ST8SIA5: variants seen among roughly 807,000 people sequenced by gnomAD.
The protein encoded by ST8SIA5 is alpha-2,8-sialyltransferase 8E.
A neutral mutation model predicts 40.2 loss-of-function variants in ST8SIA5; 24 were observed. The ratio of observed to expected loss-of-function variants is 0.60; its 90% CI spans 0.43 to 0.84. The LOEUF (loss-of-function observed/expected upper bound fraction) is 0.84. Ranked by LOEUF, ST8SIA5 falls within the 40% of genes least tolerant of loss-of-function variation. ST8SIA5 has a pLI of 0.00. For synonymous variants in ST8SIA5, 198 were observed against 201.8 expected, an observed-to-expected ratio of 0.98 and a Z score of 0.16; for missense variants, 465 against 498.5, an observed-to-expected ratio of 0.93 and a Z score of 0.64.
chr18:46,699,659 A>C (rs328112), intron 2 of ST8SIA5, among the ~76,000 whole-genome samples: 1 of 152,178 alleles, frequency 6.6e-6, no homozygotes, highest in Non-Finnish European at 1.5e-5. Flanking sequence ...GATTACAGGC[A>C]TGAGCCACCG....
At chr18:46,694,881 G>A (rs9966445) in intron 2 of ST8SIA5, among the ~76,000 whole-genome samples, 3,099 of 151,640 alleles carry the variant, frequency 0.02, 84 homozygotes, top group African/African-American at 0.062. Context: ...TTTTTAGGCC[G>A]GGCGCAGTGG....
chr18:46,747,340 C>T (rs2040150240), intron 1 of ST8SIA5, among the ~76,000 whole-genome samples: 1 of 152,158 alleles, frequency 6.6e-6, no homozygotes, highest in Non-Finnish European at 1.5e-5. Flanking sequence ...GGGTTAATAT[C>T]CAGAATCTAC....
chr18:46,719,779 T>C (rs1457635666), intron 1 of ST8SIA5, among the ~76,000 whole-genome samples: 1 of 135,832 alleles, frequency 7.4e-6, no homozygotes, highest in African/African-American at 2.7e-5. Context: ...CTTCTTTCCT[T>C]TTCTTTTTCT....
chr18:46,708,674 AC>A (rs1382364148), intron 1 of ST8SIA5, among the ~76,000 whole-genome samples: 2 of 152,116 alleles, frequency 1.3e-5, no homozygotes, highest in African/African-American at 4.8e-5. Flanking sequence ...ACTCAGATCA[AC>A]CAATCCTAAA....
rs886989611 is a variant in ST8SIA5 at position 46,686,304 on chromosome 18, A to C, written c.457-18T>G. 7.4e-6 allele frequency: 12 copies of C among 1,610,830 alleles called. No individual in the cohort carries two copies. The highest frequency in any genetic ancestry group is 1.0e-5 in the Non-Finnish European group (12 of 1,177,258). ...GGCATGTCCTGGGGGAGGCACAGGCACAGCTGTCAGAGCCAAGCCACCCCC... is the reference window on the plus strand; with the variant it reads ...GGCATGTCCTGGGGGAGGCACAGGCCCAGCTGTCAGAGCCAAGCCACCCCC... On this transcript the variant is annotated intron_variant, in intron 4 of 6. Transcript: ENST00000315087.
intron 1 of ST8SIA5, 107 bp from the exon 2 acceptor site, chr18:46,704,771 A>C (rs1459197907): frequency 7.7e-6 from 7 of 912,478 alleles, no homozygotes; most frequent in African/African-American, 1.6e-5. Context: ...AAATAAATAA[A>C]GCCAACCAGC....
At chr18:46,734,154 C>T (rs922020115) in intron 1 of ST8SIA5, among the ~76,000 whole-genome samples, 15 of 151,998 alleles carry the variant, frequency 9.9e-5, no homozygotes, top group African/African-American at 3.6e-4. Context: ...GATGAACGGG[C>T]GCAATGACCA....
intron 2 of ST8SIA5, among the ~76,000 whole-genome samples, chr18:46,699,415 C>G (rs987161607): frequency 1.3e-5 from 2 of 151,504 alleles, no homozygotes; most frequent in Admixed American, 6.6e-5. Flanking sequence ...AGTCTTACTC[C>G]GTCGCCCAGG....
intron 1 of ST8SIA5, among the ~76,000 whole-genome samples, chr18:46,737,470 G>A (rs182066405): frequency 2.6e-5 from 4 of 152,264 alleles, no homozygotes; most frequent in Admixed American, 1.3e-4. Context: ...GGCGTTTAAC[G>A]AATGTTTCTT....
chr18:46,670,205 C>G lies in ST8SIA5; in HGVS notation c.*9837G>C, dbSNP rs2469903. On this transcript the variant is annotated 3_prime_UTR_variant, in exon 7 of 7. Coordinates refer to ENST00000315087, the MANE Select transcript of ST8SIA5 (RefSeq NM_013305.6). ...CAAGACTTTTGTGAAAGTATTTTAA[C>G]TGTTTGGGGATGGAAATAATTCTAA... is the stretch of plus-strand genomic sequence containing the variant. 101,390 of 152,054 alleles carry G rather than the reference C, an allele frequency of 0.67. 33,957 individuals are homozygous for G. The highest frequency in any genetic ancestry group is 0.81 in the East Asian group (4,215 of 5,172). 9.4% of individuals were successfully genotyped at this position (152,054 alleles called of 1,614,324 possible).
chr18:46,692,049 G>C (rs2039510824), intron 3 of ST8SIA5, 120 bp downstream of exon 3: 2 of 1,009,180 alleles, frequency 2.0e-6, no homozygotes, highest in Non-Finnish European at 3.1e-6. Flanking sequence ...AGCCCAGTCA[G>C]GGTCTGCTCT....
At chr18:46,710,387 C>CTTTA in intron 1 of ST8SIA5, among the ~76,000 whole-genome samples, 1 of 133,052 alleles carries the variant, frequency 7.5e-6, no homozygotes, top group African/African-American at 3.0e-5. Flanking sequence ...TTCTTTCTTT[C>CTTTA]TTTCTTTCTT....
intron 1 of ST8SIA5, among the ~76,000 whole-genome samples, chr18:46,736,352 T>A (rs1166325562): frequency 6.6e-6 from 1 of 152,064 alleles, no homozygotes; most frequent in African/African-American, 2.4e-5. Flanking sequence ...TTAACCAACC[T>A]GAACTAAGAG....
intron 1 of ST8SIA5, among the ~76,000 whole-genome samples, chr18:46,736,937 G>T (rs1334981499): frequency 6.6e-6 from 1 of 151,974 alleles, no homozygotes; most frequent in Non-Finnish European, 1.5e-5. Flanking sequence ...GGACCTGTGG[G>T]CCCCCTGGAA....
chr18:46,747,617 TTGG>T (rs1262698170), intron 1 of ST8SIA5, among the ~76,000 whole-genome samples: 2 of 152,210 alleles, frequency 1.3e-5, no homozygotes, highest in Non-Finnish European at 2.9e-5. Flanking sequence ...TTTTACACTG[TTGG>T]TGGGAGTGTA....
rs1204541187 is a variant in ST8SIA5 at position 46,669,521 on chromosome 18, A to G, written c.*10521T>C. 1 of 152,044 alleles carries G rather than the reference A, an allele frequency of 6.6e-6. No individual in the cohort carries two copies. The highest frequency in any genetic ancestry group is 1.5e-5 in the Non-Finnish European group (1 of 68,044). The allele number at this position is 152,044 out of a possible 1,614,324, so 9.4% of individuals were successfully genotyped here. ...GGTCATCTTTTTAAATTCACCAAAA[A>G]ACACCCAGGCCTGAGTCACTGCAGA... On this transcript the variant is annotated 3_prime_UTR_variant, in exon 7 of 7. Coordinates refer to ENST00000315087, the MANE Select transcript of ST8SIA5 (RefSeq NM_013305.6).
intron 1 of ST8SIA5, among the ~76,000 whole-genome samples, chr18:46,707,820 G>T (rs554715078): frequency 6.6e-6 from 1 of 152,284 alleles, no homozygotes; most frequent in East Asian, 1.9e-4. Context: ...TACTATGTAA[G>T]GATACAGCAA....
At chr18:46,724,008 G>A (rs2039889772) in intron 1 of ST8SIA5, among the ~76,000 whole-genome samples, 2 of 152,128 alleles carry the variant, frequency 1.3e-5, no homozygotes, top group Admixed American at 1.3e-4. Context: ...GAATGGGGCA[G>A]CAGATGGTCA....
intron 1 of ST8SIA5, among the ~76,000 whole-genome samples, chr18:46,743,537 C>T (rs369267109): frequency 1.3e-5 from 2 of 152,110 alleles, no homozygotes; most frequent in South Asian, 2.1e-4. Flanking sequence ...AAGAAGTGAA[C>T]AAAGCCTCCA....
Sources: allele counts gnomAD v4.1 joint callset (sites outside exome capture counted in the v4.1 genomes callset), GRCh38; gene constraint gnomAD v4.1.1; transcripts MANE v1.5; gene names NCBI Gene and HGNC (gene_info 2026-07-23, HGNC 2026-07-21).